TNIK: variants seen among roughly 807,000 people sequenced by gnomAD.
TNIK encodes the protein TRAF2 and NCK-interacting protein kinase.
A neutral mutation model predicts 191.3 loss-of-function variants in TNIK; 49 were observed. That is an observed-to-expected ratio of 0.26 (90% CI 0.20 to 0.32). The LOEUF is 0.32. Ranked by LOEUF, TNIK falls within the 10% of genes least tolerant of loss-of-function variation. The pLI is 1.00. For synonymous variants in TNIK, 594 were observed against 600.9 expected (o/e 0.99, Z 0.17); for missense variants, 1,155 against 1,702.3 (o/e 0.68, Z 5.66).
rs1251531881 is a variant in TNIK at position 171,079,689 on chromosome 3, T to G, written c.3314-37A>C. 2.5e-6 allele frequency: 4 copies of G among 1,569,902 alleles called. No individual in the cohort carries two copies. In the African/African-American group the frequency reaches 5.4e-5, roughly 21 times the overall value. ...ATAGAGGTTTAATTTCAAATTGCTG[T>G]GACAGCTCTCACTTTTTCCTTCCCC... On this transcript the variant is annotated intron_variant, in intron 27 of 32. Transcript: ENST00000436636.
At chr3:171,286,103 G>C (rs1208206508) in intron 2 of TNIK, among the ~76,000 whole-genome samples, 1 of 152,110 alleles carries the variant, frequency 6.6e-6, no homozygotes, top group African/African-American at 2.4e-5. Context: ...AGAGGGGAGA[G>C]GGGTATATGT....
At chr3:171,428,023 G>A (rs984213791) in intron 1 of TNIK, among the ~76,000 whole-genome samples, 1 of 152,134 alleles carries the variant, frequency 6.6e-6, no homozygotes, top group African/African-American at 2.4e-5. Flanking sequence ...GGTCAGGTTT[G>A]GCAGGGCCTT....
intron 2 of TNIK, among the ~76,000 whole-genome samples, chr3:171,274,859 G>T (rs1326043930): frequency 6.6e-6 from 1 of 152,156 alleles, no homozygotes; most frequent in Non-Finnish European, 1.5e-5. Flanking sequence ...TAATGAAACA[G>T]GGCAGAAGAA....
chr3:171,311,145 GAGA>G (rs1162683945), intron 2 of TNIK, among the ~76,000 whole-genome samples: 3 of 152,076 alleles, frequency 2.0e-5, no homozygotes, highest in African/African-American at 7.2e-5. Flanking sequence ...GAGAGAGAGA[GAGA>G]AAAAAAATTC....
intron 12 of TNIK, among the ~76,000 whole-genome samples, chr3:171,154,222 A>G (rs936544569): frequency 2.6e-5 from 4 of 151,532 alleles, no homozygotes; most frequent in Middle Eastern, 6.8e-3. Flanking sequence ...TTAATGCTCC[A>G]TGATTACTGG....
intron 2 of TNIK, among the ~76,000 whole-genome samples, chr3:171,338,659 G>GTT (rs76315440): frequency 2.8e-4 from 36 of 126,810 alleles, no homozygotes; most frequent in Admixed American, 7.1e-4. Context: ...CAGCTAAGTT[G>GTT]TTTTTTTTTT....
At position 171,092,682 on chromosome 3, in the gene TNIK, G is replaced by A. The variant is rs139715124; in HGVS notation, c.2721+1157C>T. Among the ~76,000 whole-genome samples the A allele has an allele frequency of 2.0e-4, 30 of 152,336 alleles. No individual in the cohort carries two copies. The East Asian group carries it at 5.6e-3, about 28-fold the overall frequency. On this transcript the variant is annotated intron_variant, in intron 23 of 32. Coordinates refer to ENST00000436636, the MANE Select transcript of TNIK (RefSeq NM_015028.4). ...AACAAGGACATAAAATGAAATTCTA[G>A]CAAGTTGCTTTGTGAACTAGTCTTC...
At chr3:171,258,527 T>TC (rs1311723933) in intron 2 of TNIK, among the ~76,000 whole-genome samples, 1 of 152,274 alleles carries the variant, frequency 6.6e-6, no homozygotes, top group South Asian at 2.1e-4. Context: ...CAGGCTCTCC[T>TC]CACAACTGCC....
At chr3:171,454,143 T>C (rs1728520061) in intron 1 of TNIK, among the ~76,000 whole-genome samples, 1 of 152,232 alleles carries the variant, frequency 6.6e-6, no homozygotes. Flanking sequence ...TTAAAGCATC[T>C]TTCAGACTCA....
intron 2 of TNIK, among the ~76,000 whole-genome samples, chr3:171,348,215 GCA>G (rs1325535128): frequency 6.6e-5 from 10 of 152,262 alleles, no homozygotes; most frequent in African/African-American, 2.4e-4. Context: ...ACTCCCTGGG[GCA>G]CTCAGCTCTA....
intron 4 of TNIK, among the ~76,000 whole-genome samples, chr3:171,201,394 C>T (rs1290743590): frequency 6.6e-6 from 1 of 151,810 alleles, no homozygotes; most frequent in Non-Finnish European, 1.5e-5. Context: ...AGCGAAACTC[C>T]GTCTCAAAAT....
intron 7 of TNIK, among the ~76,000 whole-genome samples, chr3:171,180,801 A>G (rs772429777): frequency 6.6e-6 from 1 of 152,178 alleles, no homozygotes; most frequent in Non-Finnish European, 1.5e-5. Flanking sequence ...TTGAGTATTC[A>G]CCATTTTTCC....
intron 2 of TNIK, among the ~76,000 whole-genome samples, chr3:171,251,918 G>C (rs1192360786): frequency 6.6e-6 from 1 of 152,182 alleles, no homozygotes; most frequent in Admixed American, 6.5e-5. Context: ...TATGATAACA[G>C]ACCAAAAAGA....
At chr3:171,260,749 A>G (rs1167397881) in intron 2 of TNIK, among the ~76,000 whole-genome samples, 1 of 152,152 alleles carries the variant, frequency 6.6e-6, no homozygotes, top group Non-Finnish European at 1.5e-5. Flanking sequence ...GTTTAAACAA[A>G]TGGGCTCACA....
chr3:171,306,941 T>C (rs548631336), intron 2 of TNIK, among the ~76,000 whole-genome samples: 24 of 152,232 alleles, frequency 1.6e-4, no homozygotes, highest in African/African-American at 5.8e-4. Flanking sequence ...CTAGTCAGAC[T>C]TGGCAGACAC....
chr3:171,438,073 G>A (rs1002141262), intron 1 of TNIK, among the ~76,000 whole-genome samples: 7 of 152,130 alleles, frequency 4.6e-5, no homozygotes, highest in African/African-American at 1.7e-4. Context: ...GTGACTTGTC[G>A]CCAATAAAAA....
At chr3:171,275,368 G>GTTCTGGAGGAAATAA (rs1749602169) in intron 2 of TNIK, among the ~76,000 whole-genome samples, 1 of 152,080 alleles carries the variant, frequency 6.6e-6, no homozygotes, top group South Asian at 2.1e-4. Flanking sequence ...GGAGGAAATA[G>GTTCTGGAGGAAATAA]TTCTGAAGGA....
chr3:171,264,749 G>A (rs1307445999), intron 2 of TNIK, among the ~76,000 whole-genome samples: 1 of 152,174 alleles, frequency 6.6e-6, no homozygotes, highest in Admixed American at 6.5e-5. Context: ...TGTTTTAAAG[G>A]GGGATAATCT....
chr3:171,365,279 T>G (rs562226573), intron 2 of TNIK, among the ~76,000 whole-genome samples: 1 of 144,372 alleles, frequency 6.9e-6, no homozygotes, highest in South Asian at 2.3e-4. Context: ...GCCTCCCTCG[T>G]TCAAGTGATT....
Sources: allele counts gnomAD v4.1 joint callset (sites outside exome capture counted in the v4.1 genomes callset), GRCh38; gene constraint gnomAD v4.1.1; transcripts MANE v1.5; gene names NCBI Gene and HGNC (gene_info 2026-07-23, HGNC 2026-07-21).